Variants in GLI2 observed in about 807,000 individuals in gnomAD.
The protein encoded by GLI2 is GLI family zinc finger 2, also known as transcription activator GLI2.
In GLI2, 22 loss-of-function variants were observed where a neutral mutation model predicts 78.9. That is an observed-to-expected ratio of 0.28 (90% CI 0.20 to 0.40). The LOEUF (loss-of-function observed/expected upper bound fraction) is 0.40, where lower values mean the gene tolerates loss of function less well. GLI2 is among the 10% of genes least tolerant of loss of function. The pLI, the probability that GLI2 is intolerant of heterozygous loss-of-function variation, is 1.00. For missense variants in GLI2, 2,097 were observed against 2,213.2 expected (o/e 0.95, Z 1.05); for synonymous variants, 974 against 963.7 (o/e 1.01, Z -0.20).
chr2:120,951,669 C>T (rs1248189438), intron 4 of GLI2: 6 of 538,388 alleles, frequency 1.1e-5, no homozygotes, highest in Non-Finnish European at 1.6e-5. Flanking sequence ...CATATATGAT[C>T]TATTGTAATA....
At chr2:120,808,998 C>A (rs569377811) in intron 2 of GLI2, among the ~76,000 whole-genome samples, 3 of 152,242 alleles carry the variant, frequency 2.0e-5, no homozygotes, top group African/African-American at 7.2e-5. Flanking sequence ...GGAGGACCCA[C>A]CAGTTCCACT....
At chr2:120,941,068 C>T (rs1056727116) in intron 3 of GLI2, among the ~76,000 whole-genome samples, 8 of 152,198 alleles carry the variant, frequency 5.3e-5, no homozygotes, top group African/African-American at 1.7e-4. Flanking sequence ...GACGTGTGGA[C>T]GCAGACACAG....
intron 2 of GLI2, among the ~76,000 whole-genome samples, chr2:120,864,059 G>A (rs1406141305): frequency 6.6e-6 from 1 of 152,210 alleles, no homozygotes; most frequent in Non-Finnish European, 1.5e-5. Context: ...GTTACCTACT[G>A]GGCTTTGGTG....
At chr2:120,796,291 C>A (rs1023413889) in intron 1 of GLI2, among the ~76,000 whole-genome samples, 1 of 152,112 alleles carries the variant, frequency 6.6e-6, no homozygotes, top group African/African-American at 2.4e-5. Flanking sequence ...CCATGTTTCA[C>A]CAGCTCCACC....
intron 2 of GLI2, among the ~76,000 whole-genome samples, chr2:120,857,786 C>A (rs1687730300): frequency 1.3e-5 from 2 of 150,978 alleles, no homozygotes; most frequent in Admixed American, 1.3e-4. Context: ...CCACCCCCAC[C>A]ACCAGTTTCT....
chr2:120,957,096 G>C (rs1162229370), intron 5 of GLI2, among the ~76,000 whole-genome samples: 1 of 152,162 alleles, frequency 6.6e-6, no homozygotes, highest in African/African-American at 2.4e-5. Context: ...AACATCTCCT[G>C]CTTCCCAGGA....
rs777551364 is a variant in GLI2 at position 120,989,993 on chromosome 2, G to T, written c.4028G>T (p.Gly1343Val). The T allele has an allele frequency of 1.2e-6, 2 of 1,610,098 alleles. No individual in the cohort carries two copies. The highest frequency in any genetic ancestry group is 1.7e-6 in the Non-Finnish European group (2 of 1,178,528). ...ATGGAGCCCCAAACAGGCCCGATGGGGGTGGCTACAGCAGGCTTTGGCCTA... is the reference window on the plus strand; with the variant it reads ...ATGGAGCCCCAAACAGGCCCGATGGTGGTGGCTACAGCAGGCTTTGGCCTA... Reference protein sequence around the residue: ...GFMEPQTGPMGVATAGFGLVQ... With the variant: ...GFMEPQTGPMVVATAGFGLVQ... The change falls in exon 14 of 14, where the codon GGG (glycine) becomes GTG (valine). Residue 1343 changes from glycine (G) to valine (V), a missense_variant. By Grantham distance (109) the Gly-to-Val change is moderately radical. Coordinates refer to ENST00000361492, the MANE Select transcript of GLI2 (RefSeq NM_001374353.1).
Position 120,991,259 on chromosome 2 carries a change from T to C in GLI2, c.*584T>C, listed in dbSNP as rs1683284295. The stretch of plus-strand genomic sequence containing the variant: ...CAGGAGCACATTCTGATTCCAGGTT[T>C]GGTAGAGCTGGCTCTTCTACTCCGT... On this transcript the variant is annotated 3_prime_UTR_variant, in exon 14 of 14. Coordinates refer to ENST00000361492, the MANE Select transcript of GLI2 (RefSeq NM_001374353.1). 6.5e-6 allele frequency: 1 copy of C among 152,930 alleles called. No individual in the cohort carries two copies. Among genetic ancestry groups the C allele is most frequent in the South Asian group, 2.1e-4 (1 of 4,848 alleles). 9.5% of individuals were successfully genotyped at this position (152,930 alleles called of 1,614,324 possible).
chr2:120,984,212 G>A (rs1682857336), intron 11 of GLI2, among the ~76,000 whole-genome samples: 1 of 152,164 alleles, frequency 6.6e-6, no homozygotes, highest in Admixed American at 6.5e-5. Context: ...AGGCACATGT[G>A]TCCCCAGCTT....
rs746841672 is a variant in GLI2, at chr2:120,951,497, G to A, written c.457+52G>A. ...GGCAGCTAGGGCACTGGGGCAGGGC[G>A]CAGCCAGCCTCTCTCACGCTAACAC... is the stretch of plus-strand genomic sequence containing the variant. On this transcript the variant is annotated intron_variant, in intron 4 of 13. Coordinates refer to ENST00000361492, the MANE Select transcript of GLI2 (RefSeq NM_001374353.1). The A allele has an allele frequency of 6.9e-5, 82 of 1,190,860 alleles. No individual in the cohort carries two copies. The East Asian group carries it at 1.8e-3, about 26-fold the overall frequency. 73.8% of individuals were successfully genotyped at this position (1,190,860 alleles called of 1,614,324 possible). A position where few individuals can be genotyped will look rare whatever the true frequency, so the allele number is the denominator to read the frequency against.
rs138932004 is a variant in GLI2 at position 120,986,581 on chromosome 2, C to T, written c.2209C>T (p.Arg737Trp). The T allele has an allele frequency of 1.9e-5, 30 of 1,613,990 alleles. No homozygotes were observed. The highest frequency in any genetic ancestry group is 1.5e-4 in the South Asian group (14 of 91,078). ...CSWAGPTPHT[R>W]NTKLPPLPGS... ...ATGGGCCGGGCCGACTCCACACACG[C>T]GGAACACCAAGCTGCCTCCCCTCCC... The change falls in exon 13 of 14, where the codon CGG becomes TGG. Residue 737 changes from arginine (R) to tryptophan (W), a missense_variant. Arg to Trp is a moderately radical substitution (Grantham distance 101). Transcript: ENST00000361492.
chr2:120,947,150 C>G (rs1680747323), intron 3 of GLI2, among the ~76,000 whole-genome samples: 1 of 152,172 alleles, frequency 6.6e-6, no homozygotes. Context: ...CCTCCCTTAT[C>G]CTGTCCACAC....
intron 1 of GLI2, among the ~76,000 whole-genome samples, chr2:120,787,718 T>C (rs1684037134): frequency 6.6e-6 from 1 of 152,204 alleles, no homozygotes; most frequent in African/African-American, 2.4e-5. Flanking sequence ...TTGTTCCCCT[T>C]GCAGACAGCG....
chr2:120,858,322 G>T (rs1274352753), intron 2 of GLI2, among the ~76,000 whole-genome samples: 2 of 152,158 alleles, frequency 1.3e-5, no homozygotes, highest in African/African-American at 2.4e-5. Context: ...ACTCCTTGTG[G>T]TACTTGGCAT....
intron 2 of GLI2, among the ~76,000 whole-genome samples, chr2:120,837,275 T>A (rs1427294893): frequency 6.6e-6 from 1 of 151,330 alleles, no homozygotes; most frequent in Non-Finnish European, 1.5e-5. Context: ...GCGCCTGTAG[T>A]CCCAGCTACT....
chr2:120,956,705 G>A (rs761854354), intron 5 of GLI2, among the ~76,000 whole-genome samples: 7 of 152,056 alleles, frequency 4.6e-5, no homozygotes, highest in South Asian at 2.1e-4. Context: ...GATAGCCCAC[G>A]GCAGGGAGAC....
intron 2 of GLI2, among the ~76,000 whole-genome samples, chr2:120,918,028 T>C (rs1237187851): frequency 2.0e-5 from 3 of 152,206 alleles, no homozygotes; most frequent in Non-Finnish European, 4.4e-5. Flanking sequence ...ATGGCTTTCA[T>C]CAGTTCCTGC....
chr2:120,764,436 A>T (rs707494), intron 1 of GLI2, among the ~76,000 whole-genome samples: 4,886 of 115,890 alleles, frequency 0.042, 238 homozygotes, highest in African/African-American at 0.16. Context: ...TTAATCTTTT[A>T]AAAAAAAGAG....
At chr2:120,889,610 A>G (rs1031264278) in intron 2 of GLI2, among the ~76,000 whole-genome samples, 3 of 152,336 alleles carry the variant, frequency 2.0e-5, no homozygotes, top group African/African-American at 4.8e-5. Context: ...AGTACATAGA[A>G]TATGTACTCA....
Sources: gnomAD v4.1 joint callset for allele counts (sites outside exome capture counted in the v4.1 genomes callset) on GRCh38, gnomAD v4.1.1 for gene constraint, MANE v1.5 for transcripts, NCBI Gene and HGNC (gene_info 2026-07-23, HGNC 2026-07-21) for gene names.